The following PKIB variants were observed in gnomAD, a reference collection of about 807,000 sequenced individuals.
PKIB encodes the protein cAMP-dependent protein kinase inhibitor beta.
Under a neutral mutation model 4.5 loss-of-function variants are expected in PKIB, and 2 were observed. The ratio of observed to expected loss-of-function variants is 0.44; its 90% confidence interval spans 0.18 to 1.39. The LOEUF (loss-of-function observed/expected upper bound fraction) is 1.39, where lower values mean the gene tolerates loss of function less well. Among genes scored for constraint, PKIB ranks in the 40% most tolerant of loss-of-function variants. The probability of loss-of-function intolerance (pLI) is 0.27; values close to 1 mark genes in which losing one functional copy is unlikely to be tolerated. For missense variants in PKIB, 94 were observed against 92.6 expected (o/e 1.02, Z -0.06); for synonymous variants, 38 against 36.0 (o/e 1.06, Z -0.20).
At chr6:122,603,733 G>A (rs1774445762) in intron 3 of PKIB, among the ~76,000 whole-genome samples, 1 of 152,114 alleles carries the variant, frequency 6.6e-6, no homozygotes, top group South Asian at 2.1e-4. Context: ...CGCCCACCTT[G>A]GCCTCCCAAA....
At chr6:122,513,445 T>C (rs1177605077) in intron 2 of PKIB, among the ~76,000 whole-genome samples, 4 of 152,200 alleles carry the variant, frequency 2.6e-5, no homozygotes, top group Admixed American at 2.0e-4. Flanking sequence ...ATAAAATATT[T>C]ACATATATAT....
At chr6:122,500,090 G>A (rs141599592) in intron 2 of PKIB, among the ~76,000 whole-genome samples, 1 of 152,136 alleles carries the variant, frequency 6.6e-6, no homozygotes. Flanking sequence ...CCATGGATTG[G>A]AAGAATCATA....
At chr6:122,695,026 T>G (rs1460262852) in intron 3 of PKIB, among the ~76,000 whole-genome samples, 1 of 152,198 alleles carries the variant, frequency 6.6e-6, no homozygotes, top group Non-Finnish European at 1.5e-5. Flanking sequence ...GAGCCTTCTC[T>G]CCTTTGTAAC....
chr6:122,577,026 A>G (rs1773563276), intron 2 of PKIB, among the ~76,000 whole-genome samples: 1 of 152,142 alleles, frequency 6.6e-6, no homozygotes, highest in Non-Finnish European at 1.5e-5. Context: ...AACACTTACC[A>G]TGTGTCAGGG....
chr6:122,533,813 T>C (rs1777328779), intron 2 of PKIB, among the ~76,000 whole-genome samples: 1 of 152,126 alleles, frequency 6.6e-6, no homozygotes, highest in Non-Finnish European at 1.5e-5. Flanking sequence ...CTTATTACTG[T>C]TTTTCAACTG....
At chr6:122,598,688 G>C (rs1774253315) in intron 3 of PKIB, among the ~76,000 whole-genome samples, 1 of 152,136 alleles carries the variant, frequency 6.6e-6, no homozygotes, top group Admixed American at 6.6e-5. Flanking sequence ...ATCTCCCTAA[G>C]CCTTTCGATC....
At chr6:122,550,444 A>C (rs1269642581) in intron 2 of PKIB, among the ~76,000 whole-genome samples, 4 of 152,172 alleles carry the variant, frequency 2.6e-5, no homozygotes, top group Admixed American at 6.5e-5. Flanking sequence ...AAATTTATTA[A>C]AATTACATTT....
intron 1 of PKIB, among the ~76,000 whole-genome samples, chr6:122,611,163 G>C (rs954692384): frequency 1.3e-5 from 2 of 152,228 alleles, no homozygotes; most frequent in Admixed American, 6.5e-5. Flanking sequence ...AGTGCCAGGT[G>C]GTCGCGGGCT....
chr6:122,585,890 T>A (rs548838825), intron 2 of PKIB: 3 of 152,174 alleles, frequency 2.0e-5, no homozygotes, highest in Non-Finnish European at 4.4e-5. Context: ...AAAATGTATG[T>A]ATAACTTGTT....
intron 2 of PKIB, chr6:122,478,228 C>T (rs903796797): frequency 6.6e-5 from 10 of 152,168 alleles, no homozygotes; most frequent in African/African-American, 2.2e-4. Context: ...GAGCCAACCA[C>T]AGGCCATTTT....
chr6:122,558,372 AT>A (rs1276905226), intron 2 of PKIB, among the ~76,000 whole-genome samples: 15 of 152,164 alleles, frequency 9.9e-5, no homozygotes, highest in Admixed American at 9.8e-4. Flanking sequence ...TTTCAAGCTG[AT>A]TTGGTTCATG....
intron 3 of PKIB, among the ~76,000 whole-genome samples, chr6:122,697,530 C>G (rs1379097959): frequency 2.0e-5 from 3 of 151,784 alleles, no homozygotes; most frequent in Non-Finnish European, 4.4e-5. Context: ...CCATATATAA[C>G]CAGTAAAAGC....
chr6:122,720,410 G>T (rs1779693032), intron 4 of PKIB, among the ~76,000 whole-genome samples: 2 of 152,110 alleles, frequency 1.3e-5, no homozygotes. Context: ...CAGTGGATTT[G>T]GGATATGTTT....
At chr6:122,714,438 A>C (rs1779398219) in intron 3 of PKIB, among the ~76,000 whole-genome samples, 1 of 152,238 alleles carries the variant, frequency 6.6e-6, no homozygotes, top group Non-Finnish European at 1.5e-5. Flanking sequence ...ACTTTTAGAT[A>C]GTTTTGTGAT....
intron 4 of PKIB, among the ~76,000 whole-genome samples, chr6:122,723,648 A>G (rs923024089): frequency 2.0e-5 from 3 of 151,886 alleles, no homozygotes; most frequent in Admixed American, 2.0e-4. Context: ...CTTCCTGCAT[A>G]TTATTGTCTT....
chr6:122,613,166 T>G (rs191203284), intron 1 of PKIB, among the ~76,000 whole-genome samples: 2 of 152,288 alleles, frequency 1.3e-5, no homozygotes, highest in Non-Finnish European at 2.9e-5. Flanking sequence ...AGCATGCAGT[T>G]TGAAAATTGT....
intron 2 of PKIB, among the ~76,000 whole-genome samples, chr6:122,548,751 A>G (rs1038854169): frequency 3.3e-5 from 5 of 152,214 alleles, no homozygotes; most frequent in African/African-American, 7.2e-5. Flanking sequence ...ACAATTAATA[A>G]TAGCATTTTG....
intron 2 of PKIB, among the ~76,000 whole-genome samples, chr6:122,492,775 G>GTTT (rs11376307): frequency 6.8e-6 from 1 of 146,820 alleles, no homozygotes; most frequent in African/African-American, 2.5e-5. Flanking sequence ...AAGAGAAAGA[G>GTTT]TTTTTTTTTT....
At position 122,664,728 on chromosome 6, in the gene PKIB, T is replaced by C. The variant is rs190883706; in HGVS notation, c.-75-10350T>C. Among the ~76,000 whole-genome samples, 1,077 of 152,250 alleles carry C rather than the reference T, an allele frequency of 7.1e-3. 5 individuals are homozygous for C. The highest frequency in any genetic ancestry group is 9.6e-3 in the Non-Finnish European group (652 of 68,028). On this transcript the variant is annotated intron_variant, in intron 2 of 4. Coordinates refer to ENST00000368452, the MANE Select transcript of PKIB (RefSeq NM_181795.3). ...AATATATTTTTGTCAATTTTTTTTG[T>C]TGTTGTTTATTTTTGTTTTGTTTAT...
Sources: gnomAD v4.1 joint callset for allele counts (sites outside exome capture counted in the v4.1 genomes callset) on GRCh38, gnomAD v4.1.1 for gene constraint, MANE v1.5 for transcripts, NCBI Gene and HGNC (gene_info 2026-07-23, HGNC 2026-07-21) for gene names.